KLHL13: variants seen among roughly 807,000 people sequenced by gnomAD.
The protein encoded by KLHL13 is kelch-like protein 13.
Under a neutral mutation model 37.1 loss-of-function variants are expected in KLHL13, and 10 were observed. The ratio of observed to expected loss-of-function variants is 0.27; its 90% CI spans 0.17 to 0.46. KLHL13 has a LOEUF of 0.46. Ranked by LOEUF, KLHL13 falls within the 20% of genes least tolerant of loss-of-function variation. The pLI is 1.00. For synonymous variants in KLHL13, 163 were observed against 181.2 expected (o/e 0.90, Z 0.81); for missense variants, 360 against 509.3 (o/e 0.71, Z 2.82).
chrX:118,018,944 A>T (rs1298213519), intron 1 of KLHL13, among the ~76,000 whole-genome samples: 1 of 111,375 alleles, frequency 9.0e-6, no homozygotes. Context: ...TTTTTATTGC[A>T]TATATTTAAA....
intron 1 of KLHL13, among the ~76,000 whole-genome samples, chrX:118,033,115 C>T (rs1237621453): frequency 1.8e-5 from 2 of 111,122 alleles, no homozygotes; most frequent in East Asian, 5.7e-4. Flanking sequence ...CTGCGTCTGA[C>T]TGGTGTACCT....
intron 1 of KLHL13, among the ~76,000 whole-genome samples, chrX:118,096,791 C>T (rs1214974485): frequency 1.3e-4 from 15 of 111,690 alleles, no homozygotes; most frequent in Admixed American, 3.8e-4. Context: ...AATCAATAAA[C>T]GTAATCCAGC....
At chrX:117,913,602 T>C (rs758595482) in intron 4 of KLHL13, among the ~76,000 whole-genome samples, 1 of 111,912 alleles carries the variant, frequency 8.9e-6, no homozygotes, top group East Asian at 2.8e-4. Flanking sequence ...TCCCAGCACT[T>C]TGAGAGGCCT....
At chrX:117,965,072 G>C (rs1375897748) in intron 1 of KLHL13, among the ~76,000 whole-genome samples, 1 of 112,013 alleles carries the variant, frequency 8.9e-6, no homozygotes, top group Admixed American at 9.5e-5. Context: ...CTTTATAGCA[G>C]CATAAATTAT....
intron 1 of KLHL13, among the ~76,000 whole-genome samples, chrX:117,991,846 ACTCTCTCTCTCTCTCTCTCTCTCTCTCT>A (rs56373597): frequency 3.1e-5 from 2 of 63,511 alleles, no homozygotes; most frequent in African/African-American, 5.8e-5. Flanking sequence ...CTACAGTGAA[ACTCTCTCTCTCTCTCTCTCTCTCTCTCT>A]CTCTCTCTCT....
At chrX:117,939,744 G>T (rs1171460719) in intron 2 of KLHL13, among the ~76,000 whole-genome samples, 2 of 111,924 alleles carry the variant, frequency 1.8e-5, no homozygotes, top group Non-Finnish European at 3.8e-5. Flanking sequence ...GTGTTCTTTT[G>T]AGAAGTGTCT....
chrX:118,109,377 C>A (rs1490024091), intron 1 of KLHL13, among the ~76,000 whole-genome samples: 1 of 111,798 alleles, frequency 8.9e-6, no homozygotes, highest in Non-Finnish European at 1.9e-5. Context: ...CAGATTCGGG[C>A]AGTACAGCAC....
intron 1 of KLHL13, among the ~76,000 whole-genome samples, chrX:118,090,838 T>TTA: frequency 9.1e-6 from 1 of 109,636 alleles, no homozygotes; most frequent in Non-Finnish European, 1.9e-5. Flanking sequence ...CGTATGTTTA[T>TTA]AGCGGCACTA....
intron 4 of KLHL13, among the ~76,000 whole-genome samples, chrX:117,911,385 ACATT>A (rs1471581702): frequency 1.8e-5 from 2 of 112,461 alleles, no homozygotes; most frequent in African/African-American, 6.5e-5. Flanking sequence ...TAACACACAC[ACATT>A]GTTATTTTCA....
intron 1 of KLHL13, chrX:117,985,315 T>C (rs759618968): frequency 3.1e-5 from 35 of 1,130,994 alleles, no homozygotes; most frequent in Middle Eastern, 2.4e-4. Flanking sequence ...TCTCATCAAA[T>C]TCTCTGGAGT....
chrX:118,038,896 C>T (rs1170580472), intron 1 of KLHL13, among the ~76,000 whole-genome samples: 1 of 111,466 alleles, frequency 9.0e-6, no homozygotes, highest in Non-Finnish European at 1.9e-5. Flanking sequence ...GGAGAGACTC[C>T]TTCCTTCCAC....
In KLHL13 at chrX:118,072,674, A is replaced by T. The variant is rs766680242; in HGVS notation, c.-56+43834T>A. The stretch of plus-strand genomic sequence containing the variant: ...CCCCATCAAAAAGTGGGCGAAGGAC[A>T]TGAACAGATTTGTCATTTTCTTATT... On this transcript the variant is annotated intron_variant, in intron 1 of 6. Coordinates refer to the KLHL13 transcript ENST00000371882. Among the ~76,000 whole-genome samples, 20 of 112,293 alleles carry T rather than the reference A, an allele frequency of 1.8e-4. No individual in the cohort carries two copies. The South Asian group carries it at 7.5e-3, about 42-fold the overall frequency.
chrX:117,967,700 T>C (rs1234986110), intron 1 of KLHL13, among the ~76,000 whole-genome samples: 7 of 112,311 alleles, frequency 6.2e-5, no homozygotes, highest in Non-Finnish European at 7.5e-5. Flanking sequence ...AAGTGTCTTG[T>C]GTGCAATATT....
intron 1 of KLHL13, among the ~76,000 whole-genome samples, chrX:118,111,991 C>G (rs765928859): frequency 2.9e-4 from 33 of 111,987 alleles, no homozygotes; most frequent in Non-Finnish European, 6.0e-4. Context: ...TTCTATTACC[C>G]CTTTTTTACA....
intron 1 of KLHL13, chrX:117,985,264 G>A (rs2053710315): frequency 1.8e-6 from 2 of 1,141,813 alleles, no homozygotes; most frequent in Admixed American, 2.6e-5. Context: ...TTCTCTTAAG[G>A]TTTGAACTCT....
intron 1 of KLHL13, among the ~76,000 whole-genome samples, chrX:118,094,154 T>C (rs1277682374): frequency 9.1e-6 from 1 of 109,872 alleles, no homozygotes; most frequent in Non-Finnish European, 1.9e-5. Context: ...AAAAATTAGA[T>C]GAATGGCTAA....
At chrX:117,944,424 GAGGT>G (rs1005598536) in intron 2 of KLHL13, among the ~76,000 whole-genome samples, 7 of 111,572 alleles carry the variant, frequency 6.3e-5, no homozygotes, top group Non-Finnish European at 1.3e-4. Flanking sequence ...AGGAAATTTA[GAGGT>G]ATGCTAGTCA....
intron 1 of KLHL13, among the ~76,000 whole-genome samples, chrX:118,112,638 T>C (rs1028135621): frequency 2.7e-5 from 3 of 112,013 alleles, no homozygotes; most frequent in African/African-American, 6.5e-5. Context: ...TATGGGAAAG[T>C]AGGCTGGGAT....
intron 4 of KLHL13, among the ~76,000 whole-genome samples, chrX:117,915,156 G>GA (rs745478297): frequency 2.2e-4 from 24 of 108,115 alleles, no homozygotes; most frequent in South Asian, 4.0e-4. Context: ...CCTCAAAAGT[G>GA]AAAAAAAAAT....
Sources: gnomAD v4.1 joint callset for allele counts (sites outside exome capture counted in the v4.1 genomes callset) on GRCh38, gnomAD v4.1.1 for gene constraint, MANE v1.5 for transcripts, NCBI Gene and HGNC (gene_info 2026-07-23, HGNC 2026-07-21) for gene names.